PARP3: variants seen among roughly 807,000 people sequenced by gnomAD.
PARP3 encodes the protein poly(ADP-ribose) polymerase family member 3, also known as protein mono-ADP-ribosyltransferase PARP3.
Under a neutral mutation model 58.2 loss-of-function variants are expected in PARP3, and 46 were observed. The observed-to-expected ratio is 0.79, with a 90% CI of 0.62 to 1.01. The LOEUF (loss-of-function observed/expected upper bound fraction) is 1.01, where lower values mean the gene tolerates loss of function less well. Among genes scored for constraint, PARP3 ranks in the 50% least tolerant of loss-of-function variants. PARP3 has a pLI of 0.00. For synonymous variants in PARP3, 252 were observed against 266.4 expected (o/e 0.95, Z 0.53); for missense variants, 663 against 683.9 (o/e 0.97, Z 0.34).
Position 51,944,647 on chromosome 3 carries a change from GT to G in PARP3, c.501+71del, listed in dbSNP as rs1486783769. On this transcript the variant is annotated intron_variant, in intron 4 of 10. Transcript: ENST00000398755. The surrounding 1 kb of genome is among the most constrained non-coding windows in gnomAD (Gnocchi z 4.2). Reference sequence around the variant, plus strand: ...GGGACTCGTTGGAGAGTTCCCGCTGGTTGGGCTCTGCCACTGCCCAGCTGCG... The same window carrying G: ...GGGACTCGTTGGAGAGTTCCCGCTGGTGGGCTCTGCCACTGCCCAGCTGCG... 3 of 1,584,996 alleles carry G rather than the reference GT, an allele frequency of 1.9e-6. No individual in the cohort carries two copies. In the African/African-American group the frequency reaches 4.0e-5, roughly 21 times the overall value.
chr3:51,944,400 G>A lies in PARP3; in HGVS notation c.323G>A (p.Gly108Asp). The stretch of plus-strand genomic sequence containing the variant: ...GGCTGTCGGTTGCAGGGAGAGGTCG[G>A]CCAGTCAAAGATCAACCACTTCACA... The part of the protein sequence containing the change: ...WNRWGRVGEV[G>D]QSKINHFTRL... Residue 108 changes from glycine to aspartate, a missense_variant, in exon 4 of 11, where the codon GGC (glycine) becomes GAC (aspartate). Around this residue, in one of 3 missense-constraint regions of PARP3, gnomAD observed 567 missense variants for 553.6 expected, o/e 1.02. Coordinates refer to ENST00000398755, the MANE Select transcript of PARP3 (RefSeq NM_001003931.4). The surrounding 1 kb of genome is among the most constrained non-coding windows in gnomAD (Gnocchi z 4.2). The A allele has an allele frequency of 6.2e-7, 1 of 1,613,832 alleles. No individual in the cohort carries two copies. The highest frequency in any genetic ancestry group is 8.5e-7 in the Non-Finnish European group (1 of 1,180,036).
chr3:51,947,098 T>C (rs1036997641), intron 9 of PARP3, among the ~76,000 whole-genome samples: 1 of 152,022 alleles, frequency 6.6e-6, no homozygotes, highest in Non-Finnish European at 1.5e-5. Context: ...AGGGAGCCCA[T>C]GAGAGGGGCA....
chr3:51,943,527 C>A lies in PARP3; in HGVS notation c.172C>A (p.Pro58Thr). ...TCCAACATGTCCACTCAGCAGCAAC[C>A]CCGGGACCCAGGTGAGCTGCAGTCC... ...VDPTCPLSSN[P>T]GTQVYEDYNC... Residue 58 changes from proline (P) to threonine (T), a missense_variant, in exon 2 of 11, where the codon CCC becomes ACC. Pro to Thr is a conservative substitution (Grantham distance 38). Coordinates refer to ENST00000398755, the MANE Select transcript of PARP3 (RefSeq NM_001003931.4). 1 of 1,609,600 alleles carries A rather than the reference C, an allele frequency of 6.2e-7. No homozygotes were observed. The highest frequency in any genetic ancestry group is 1.1e-5 in the South Asian group (1 of 90,280).
rs377311591 is a variant in PARP3, at chr3:51,948,500, G to C, written c.*20G>C. 6.2e-7 allele frequency: 1 copy of C among 1,611,828 alleles called. No homozygotes were observed. Among genetic ancestry groups the C allele is most frequent in the Non-Finnish European group, 8.5e-7 (1 of 1,178,486 alleles). On this transcript the variant is annotated 3_prime_UTR_variant, in exon 11 of 11. Coordinates refer to ENST00000398755, the MANE Select transcript of PARP3 (RefSeq NM_001003931.4). ...CTCTGAGTGCCCGCCCTGTCCCCCG[G>C]GGTCCTGCAAGGCTGGACTGTGATC... is the stretch of plus-strand genomic sequence containing the variant.
In PARP3 at chr3:51,944,572, G is replaced by T; in HGVS notation, c.495G>T (p.Val165=). The T allele has an allele frequency of 9.3e-6, 15 of 1,614,038 alleles. No individual in the cohort carries two copies. Among genetic ancestry groups the T allele is most frequent in the Non-Finnish European group, 1.3e-5 (15 of 1,179,912 alleles). ...CAGAGGATGAGGCCCAGGAAGCTGT[G>T]GTGAAGGTGAGATGGCCAAGGAAGG... ...VQAEDEAQEA[V]VKVDRGPVRT... Residue 165 remains valine, a synonymous_variant, in exon 4 of 11, where the codon GTG becomes GTT. Transcript: ENST00000398755. This position sits in a 1 kb window ranked among gnomAD's most constrained non-coding sequence, Gnocchi z 4.2.
chr3:51,946,427 G>T lies in PARP3; in HGVS notation c.1276+84G>T. On this transcript the variant is annotated intron_variant, in intron 9 of 10. Transcript: ENST00000398755. The surrounding 1 kb of genome is among the most constrained non-coding windows in gnomAD (Gnocchi z 4.6). The stretch of plus-strand genomic sequence containing the variant: ...AGTCCTTGGCCACTGGAAATTCATG[G>T]TGAATCCAAGAGAGGAATCCTTTAA... The T allele has an allele frequency of 8.9e-7, 1 of 1,121,646 alleles. No homozygotes were observed. 69.5% of individuals were successfully genotyped at this position (1,121,646 alleles called of 1,614,324 possible).
chr3:51,947,213 C>T (rs1287164433), intron 9 of PARP3, among the ~76,000 whole-genome samples: 1 of 152,200 alleles, frequency 6.6e-6, no homozygotes, highest in Non-Finnish European at 1.5e-5. Flanking sequence ...CCCCCCAGAC[C>T]AGCTCCTCCA....
chr3:51,948,388 G>C lies in PARP3; in HGVS notation c.1510G>C (p.Glu504Gln). 1 of 1,614,102 alleles carries C rather than the reference G, an allele frequency of 6.2e-7. No individual in the cohort carries two copies. Among genetic ancestry groups the C allele is most frequent in the Non-Finnish European group, 8.5e-7 (1 of 1,179,954 alleles). ...VPQGQPVPCPEFSSSTFSQSE... is the reference protein window; with the variant it reads ...VPQGQPVPCPQFSSSTFSQSE... ...CCAGGGCCAGCCTGTGCCCTGCCCA[G>C]AGTTCAGCAGCTCCACATTCTCCCA... The change falls in exon 11 of 11, where the codon GAG becomes CAG. Residue 504 changes from glutamate to glutamine, a missense_variant. Physicochemically the swap from Glu to Gln is conservative, Grantham distance 29 (BLOSUM62 2). Around this residue, in one of 3 missense-constraint regions of PARP3, gnomAD observed 88 missense variants for 109.1 expected, o/e 0.81. Coordinates refer to ENST00000398755, the MANE Select transcript of PARP3 (RefSeq NM_001003931.4).
chr3:51,948,563 C>A lies in PARP3; in HGVS notation c.*83C>A. 1 of 1,223,966 alleles carries A rather than the reference C, an allele frequency of 8.2e-7. No homozygotes were observed. 75.8% of individuals were successfully genotyped at this position (1,223,966 alleles called of 1,614,324 possible). A position where few individuals can be genotyped will look rare whatever the true frequency, so the allele number is the denominator to read the frequency against. On this transcript the variant is annotated 3_prime_UTR_variant, in exon 11 of 11. Coordinates refer to ENST00000398755, the MANE Select transcript of PARP3 (RefSeq NM_001003931.4). ...GCCCATCTCTGGTACCCCTATATCA[C>A]TCCTTTTTTTCAAGAATACAATACG...
Position 51,945,594 on chromosome 3 carries a change from C to T in PARP3, c.961C>T (p.Leu321Phe), listed in dbSNP as rs780707738. The stretch of plus-strand genomic sequence containing the variant: ...ACACCCCCTGGACCGAGACTACCAG[C>T]TTCTCAAGTGCCAGCTGCAGCTGCT... The part of the protein sequence containing the change: ...VPHPLDRDYQ[L>F]LKCQLQLLDS... The change falls in exon 7 of 11, where the codon CTT becomes TTT. Residue 321 changes from leucine to phenylalanine, a missense_variant. This residue lies in a region of PARP3 where 567 missense variants were observed against 553.6 expected (regional missense o/e 1.02). Coordinates refer to ENST00000398755, the MANE Select transcript of PARP3 (RefSeq NM_001003931.4). 1.2e-6 allele frequency: 2 copies of T among 1,613,982 alleles called. No homozygotes were observed. The highest frequency in any genetic ancestry group is 1.1e-5 in the South Asian group (1 of 91,084).
In PARP3 at chr3:51,944,733, C is replaced by G; in HGVS notation, c.502-45C>G. The G allele has an allele frequency of 6.3e-7, 1 of 1,579,416 alleles. No individual in the cohort carries two copies. Among genetic ancestry groups the G allele is most frequent in the South Asian group, 1.1e-5 (1 of 87,236 alleles). On this transcript the variant is annotated intron_variant, in intron 4 of 10. Coordinates refer to ENST00000398755, the MANE Select transcript of PARP3 (RefSeq NM_001003931.4). This position sits in a 1 kb window ranked among gnomAD's most constrained non-coding sequence, Gnocchi z 4.2. ...GCTGGCTGGTCTCTGTCTGGTGTCACGCCCTGCCCCGCTGCTCCTGCCCAC... is the reference window on the plus strand; with the variant it reads ...GCTGGCTGGTCTCTGTCTGGTGTCAGGCCCTGCCCCGCTGCTCCTGCCCAC...
rs199676447 is a variant in PARP3, at chr3:51,947,824, C to A, written c.1361C>A (p.Thr454Lys). The stretch of plus-strand genomic sequence containing the variant: ...CTGGGCAGAGAGCACCATATCAACA[C>A]GGACAACCCCAGCTTGAAGAGCCCA... The part of the protein sequence containing the change: ...VALGREHHIN[T>K]DNPSLKSPPP... The change falls in exon 10 of 11, where the codon ACG becomes AAG. Residue 454 changes from threonine (T) to lysine (K), a missense_variant. Physicochemically the swap from Thr to Lys is moderately conservative, Grantham distance 78. Coordinates refer to ENST00000398755, the MANE Select transcript of PARP3 (RefSeq NM_001003931.4). 6.2e-6 allele frequency: 10 copies of A among 1,614,110 alleles called. No homozygotes were observed. The South Asian group carries it at 1.1e-4, about 18-fold the overall frequency.
rs753716622 is a variant in PARP3, at chr3:51,945,095, G to T, written c.732G>T (p.Thr244=). ...EALEEALKGP[T]DGGQSLEELS... ...TGGAGGAGGCCCTGAAAGGCCCCAC[G>T]GATGGTGGCCAAAGCCTGGAGGAGC... The change falls in exon 6 of 11, where the codon ACG becomes ACT. Residue 244 remains threonine (T), a synonymous_variant. Coordinates refer to ENST00000398755, the MANE Select transcript of PARP3 (RefSeq NM_001003931.4). The T allele has an allele frequency of 2.5e-6, 4 of 1,614,136 alleles. No individual in the cohort carries two copies. The highest frequency in any genetic ancestry group is 3.4e-6 in the Non-Finnish European group (4 of 1,180,008).
chr3:51,944,981 C>G lies in PARP3; in HGVS notation c.635-17C>G. On this transcript the variant is annotated splice_polypyrimidine_tract_variant and intron_variant, in intron 5 of 10. Coordinates refer to ENST00000398755, the MANE Select transcript of PARP3 (RefSeq NM_001003931.4). This position sits in a 1 kb window ranked among gnomAD's most constrained non-coding sequence, Gnocchi z 4.2. ...AGGGCTGTGGGGCTGAGTCTCCCCA[C>G]TCCCCTGTCCCCCTAGATGTGAAGA... The G allele has an allele frequency of 6.2e-7, 1 of 1,613,412 alleles. No homozygotes were observed. Among genetic ancestry groups the G allele is most frequent in the Non-Finnish European group, 8.5e-7 (1 of 1,179,812 alleles).
At position 51,945,630 on chromosome 3, in the gene PARP3, G is replaced by A; in HGVS notation, c.997G>A (p.Ala333Thr). ...KCQLQLLDSG[A>T]PEYKVIQTYL... ...CCAGCTGCAGCTGCTAGACTCTGGA[G>A]CACCTGAGTACAAGGTGAGTTGGGC... Residue 333 changes from alanine (A) to threonine (T), a missense_variant, in exon 7 of 11, where the codon GCA (alanine) becomes ACA (threonine). By Grantham distance (58) the Ala-to-Thr change is moderately conservative (BLOSUM62 0). Coordinates refer to ENST00000398755, the MANE Select transcript of PARP3 (RefSeq NM_001003931.4). 1 of 1,613,916 alleles carries A rather than the reference G, an allele frequency of 6.2e-7. No homozygotes were observed. Among genetic ancestry groups the A allele is most frequent in the Non-Finnish European group, 8.5e-7 (1 of 1,180,014 alleles).
In PARP3 at chr3:51,943,465, A is replaced by G. The variant is rs1156310266; in HGVS notation, c.110A>G (p.Lys37Arg). 1.2e-6 allele frequency: 2 copies of G among 1,610,318 alleles called. No homozygotes were observed. Among genetic ancestry groups the G allele is most frequent in the Non-Finnish European group, 1.7e-6 (2 of 1,178,844 alleles). Residue 37 changes from lysine to arginine, a missense_variant, in exon 2 of 11, where the codon AAG becomes AGG. Physicochemically the swap from Lys to Arg is conservative, Grantham distance 26 (BLOSUM62 2). Coordinates refer to ENST00000398755, the MANE Select transcript of PARP3 (RefSeq NM_001003931.4). ...TTCCGCTCCACCGCTGAGGCCCTCA[A>G]GGCCATACCCGCAGAGAAGCGCATA... is the stretch of plus-strand genomic sequence containing the variant. ...DPFRSTAEAL[K>R]AIPAEKRIIR... is the part of the protein sequence containing the mutation.
intron 1 of PARP3, 30 bp downstream of exon 1, chr3:51,942,738 G>A: frequency 6.4e-7 from 1 of 1,554,268 alleles, no homozygotes; most frequent in South Asian, 1.2e-5. Flanking sequence ...GCCCACGGCA[G>A]GGCAGGGCAA....
Position 51,944,547 on chromosome 3 carries a change from C to T in PARP3, c.470C>T (p.Ala157Val). The change falls in exon 4 of 11, where the codon GCA becomes GTA. Residue 157 changes from alanine (A) to valine (V), a missense_variant. By Grantham distance (64) the Ala-to-Val change is moderately conservative. Coordinates refer to ENST00000398755, the MANE Select transcript of PARP3 (RefSeq NM_001003931.4). The surrounding 1 kb of genome is among the most constrained non-coding windows in gnomAD (Gnocchi z 4.2). Reference sequence around the variant, plus strand: ...AAGTACACACTTATCGAAGTACAGGCAGAGGATGAGGCCCAGGAAGCTGTG... The same window carrying T: ...AAGTACACACTTATCGAAGTACAGGTAGAGGATGAGGCCCAGGAAGCTGTG... ...PGKYTLIEVQAEDEAQEAVVK... is the reference protein window; with the variant it reads ...PGKYTLIEVQVEDEAQEAVVK... 6.2e-7 allele frequency: 1 copy of T among 1,614,226 alleles called. No individual in the cohort carries two copies. Among genetic ancestry groups the T allele is most frequent in the Non-Finnish European group, 8.5e-7 (1 of 1,180,030 alleles).
Position 51,945,054 on chromosome 3 carries a change from G to C in PARP3, c.691G>C (p.Glu231Gln). ...LSKQQIARGF[E>Q]ALEALEEALK... ...CAAGCAACAGATTGCACGGGGTTTC[G>C]AGGCCTTGGAGGCGCTGGAGGAGGC... Residue 231 changes from glutamate to glutamine, a missense_variant, in exon 6 of 11, where the codon GAG becomes CAG. By Grantham distance (29) the Glu-to-Gln change is conservative (BLOSUM62 2). Around this residue, in one of 3 missense-constraint regions of PARP3, gnomAD observed 567 missense variants for 553.6 expected, o/e 1.02. Transcript: ENST00000398755. The C allele has an allele frequency of 1.9e-6, 3 of 1,613,160 alleles. No individual in the cohort carries two copies. The highest frequency in any genetic ancestry group is 1.7e-6 in the Non-Finnish European group (2 of 1,179,896).
Sources: gnomAD v4.1 joint callset for allele counts (sites outside exome capture counted in the v4.1 genomes callset) on GRCh38, gnomAD v4.1.1 for gene constraint, gnomAD v4.1.1 regional missense constraint, Gnocchi (gnomAD v3.1) non-coding constraint, MANE v1.5 for transcripts, NCBI Gene and HGNC (gene_info 2026-07-23, HGNC 2026-07-21) for gene names.